GIGYF2: variants seen among roughly 807,000 people sequenced by gnomAD.
GIGYF2 encodes GRB10-interacting GYF protein 2.
In GIGYF2, 25 loss-of-function variants were observed where a neutral mutation model predicts 208.1. The ratio of observed to expected loss-of-function variants is 0.12; its 90% CI spans 0.09 to 0.17. GIGYF2 has a LOEUF of 0.17. Among genes scored for constraint, GIGYF2 ranks in the 10% least tolerant of loss-of-function variants. The pLI, the probability that GIGYF2 is intolerant of heterozygous loss-of-function variation, is 1.00. For missense variants in GIGYF2, 1,302 were observed against 1,579.4 expected (o/e 0.82, Z 2.98); for synonymous variants, 534 against 543.8 (o/e 0.98, Z 0.25).
At chr2:232,720,585 T>TATTTTTGTTTG (rs772814342) in intron 2 of GIGYF2, among the ~76,000 whole-genome samples, 1 of 126,310 alleles carries the variant, frequency 7.9e-6, no homozygotes, top group Non-Finnish European at 1.7e-5. Context: ...ATATATATAT[T>TATTTTTGTTTG]TTTGTTTGTT....
intron 7 of GIGYF2, 54 bp from the exon 8 acceptor site, chr2:232,761,342 A>C: frequency 8.7e-7 from 1 of 1,152,000 alleles, no homozygotes. Context: ...TGTCACAGAT[A>C]GGAAATCTAT....
At position 232,708,421 on chromosome 2, in the gene GIGYF2, A is replaced by G. The variant is rs192467458; in HGVS notation, c.-44+4932A>G. Among the ~76,000 whole-genome samples the G allele has an allele frequency of 5.3e-5, 8 of 152,266 alleles. 1 individual carries two copies. Among genetic ancestry groups the G allele is most frequent in the African/African-American group, 1.7e-4 (7 of 41,578 alleles). ...TTGAGAAAGGGAAAGAAAAGTGACAATGTACAAAATGAATTCCTCTGAAAA... is the reference window on the plus strand; with the variant it reads ...TTGAGAAAGGGAAAGAAAAGTGACAGTGTACAAAATGAATTCCTCTGAAAA... On this transcript the variant is annotated intron_variant, in intron 2 of 28. Transcript: ENST00000373563.
chr2:232,771,983 T>G (rs977394100), intron 8 of GIGYF2, among the ~76,000 whole-genome samples: 9 of 152,176 alleles, frequency 5.9e-5, no homozygotes, highest in Non-Finnish European at 1.0e-4. Context: ...CAGAGTTTGA[T>G]TTATTGATTT....
chr2:232,792,472 C>T (rs1357714123), intron 12 of GIGYF2, among the ~76,000 whole-genome samples: 2 of 152,076 alleles, frequency 1.3e-5, no homozygotes, highest in African/African-American at 4.8e-5. Context: ...TGTGATGGCA[C>T]GTGCTTGTAA....
At chr2:232,810,477 G>A (rs1325493598) in intron 16 of GIGYF2, 1 of 153,162 alleles carries the variant, frequency 6.5e-6, no homozygotes, top group Non-Finnish European at 1.5e-5. Context: ...GTGGAATGAT[G>A]GCAAAGTCAG....
At chr2:232,796,867 A>T (rs1700237330) in intron 14 of GIGYF2, among the ~76,000 whole-genome samples, 1 of 152,180 alleles carries the variant, frequency 6.6e-6, no homozygotes, top group South Asian at 2.1e-4. Context: ...CTAAAAAAAA[A>T]ATTGAATACA....
Position 232,839,936 on chromosome 2 carries a change from C to T in GIGYF2, c.2854C>T (p.Leu952=), listed in dbSNP as rs764315549. Residue 952 remains leucine, a synonymous_variant, in exon 23 of 29, where the codon CTA becomes TTA. Transcript: ENST00000373563. The stretch of plus-strand genomic sequence containing the variant: ...GCTGTCGTTGGCTGAAATCCAAAAA[C>T]TAGAGGAAGAACGAGAACGGCAGCT... The part of the protein sequence containing the change: ...ATLSLAEIQK[L]EEERERQLRE... 4 of 1,613,864 alleles carry T rather than the reference C, an allele frequency of 2.5e-6. No individual in the cohort carries two copies. The highest frequency in any genetic ancestry group is 2.7e-5 in the African/African-American group (2 of 74,886).
chr2:232,857,561 T>G lies in GIGYF2; in HGVS notation c.*701T>G, dbSNP rs938339638. On this transcript the variant is annotated 3_prime_UTR_variant, in exon 29 of 29. Coordinates refer to ENST00000373563, the MANE Select transcript of GIGYF2 (RefSeq NM_001103146.3). ...GTTAGATAGTGACTTCTGAGCAAGCTGATCTCCCCTGGCATGCTCCAACCT... is the reference window on the plus strand; with the variant it reads ...GTTAGATAGTGACTTCTGAGCAAGCGGATCTCCCCTGGCATGCTCCAACCT... 3.3e-5 allele frequency: 5 copies of G among 153,402 alleles called. No individual in the cohort carries two copies. Among genetic ancestry groups the G allele is most frequent in the Admixed American group, 6.5e-5 (1 of 15,378 alleles). 9.5% of individuals were successfully genotyped at this position (153,402 alleles called of 1,614,324 possible).
intron 5 of GIGYF2, 133 bp downstream of exon 5, chr2:232,749,215 T>C: frequency 5.5e-6 from 4 of 729,950 alleles, no homozygotes; most frequent in Admixed American, 5.5e-5. Context: ...TTTCTTGGTA[T>C]GTTGATGCTT....
At chr2:232,852,266 C>T (rs1690371571) in intron 28 of GIGYF2, among the ~76,000 whole-genome samples, 1 of 152,070 alleles carries the variant, frequency 6.6e-6, no homozygotes, top group Non-Finnish European at 1.5e-5. Context: ...GTGCCTGAAG[C>T]CAGACGCGGT....
chr2:232,852,140 A>T (rs538529273), intron 28 of GIGYF2, among the ~76,000 whole-genome samples: 67 of 152,316 alleles, frequency 4.4e-4, no homozygotes, highest in Non-Finnish European at 8.1e-4. Flanking sequence ...AGTGAGAGGC[A>T]GGTGGTAACC....
At chr2:232,732,502 C>T (rs1283697268) in intron 2 of GIGYF2, among the ~76,000 whole-genome samples, 1 of 151,960 alleles carries the variant, frequency 6.6e-6, no homozygotes, top group Non-Finnish European at 1.5e-5. Flanking sequence ...AAAAATTGGC[C>T]CTTGTTCAGA....
At chr2:232,792,634 G>T (rs986151485) in intron 12 of GIGYF2, among the ~76,000 whole-genome samples, 4 of 152,142 alleles carry the variant, frequency 2.6e-5, no homozygotes, top group Admixed American at 2.6e-4. Flanking sequence ...GTTCAGGCTG[G>T]ATCCGAACTC....
chr2:232,849,945 T>C (rs535941615), intron 27 of GIGYF2, among the ~76,000 whole-genome samples: 1 of 152,302 alleles, frequency 6.6e-6, no homozygotes, highest in East Asian at 1.9e-4. Flanking sequence ...ATTTGCAGTA[T>C]TCATTTCCTA....
intron 21 of GIGYF2, among the ~76,000 whole-genome samples, chr2:232,826,530 A>G (rs1701250345): frequency 6.6e-6 from 1 of 152,200 alleles, no homozygotes; most frequent in Non-Finnish European, 1.5e-5. Context: ...AAGCCAAAAT[A>G]GACAAATGGT....
chr2:232,771,232 G>A, intron 8 of GIGYF2: 1 of 1,610,656 alleles, frequency 6.2e-7, no homozygotes, highest in Non-Finnish European at 8.5e-7. Context: ...GATTCCCCAA[G>A]CATCTCGAAG....
rs1455068311 is a variant in GIGYF2 at position 232,844,160 on chromosome 2, C to A, written c.3004C>A (p.Leu1002Ile). ...VSKPSGTTKS[L>I]LEIQQEEARQ... ...CAAACCTTCAGGTACCACGAAATCT[C>A]TTCTGGAGATCCAGCAGGAAGAGGC... Residue 1002 changes from leucine to isoleucine, a missense_variant, in exon 24 of 29, where the codon CTT becomes ATT. This residue lies in a region of GIGYF2 where 701 missense variants were observed against 793.0 expected (regional missense o/e 0.88). Transcript: ENST00000373563. 1.3e-6 allele frequency: 2 copies of A among 1,568,992 alleles called. No individual in the cohort carries two copies. The highest frequency in any genetic ancestry group is 1.4e-5 in the African/African-American group (1 of 73,572).
In GIGYF2 at chr2:232,845,834, G is replaced by T. The variant is rs138253996; in HGVS notation, c.3408G>T (p.Thr1136=). The change falls in exon 26 of 29, where the codon ACG becomes ACT. Residue 1136 remains threonine, a synonymous_variant. Transcript: ENST00000373563. ...QGVNKAQDGF[T]QWCEQMLHAL... ...TAAATAAAGCCCAAGATGGATTTACGCAGTGGTGTGAACAGATGCTTCATG... is the reference window on the plus strand; with the variant it reads ...TAAATAAAGCCCAAGATGGATTTACTCAGTGGTGTGAACAGATGCTTCATG... 1.2e-6 allele frequency: 2 copies of T among 1,613,446 alleles called. No individual in the cohort carries two copies. Among genetic ancestry groups the T allele is most frequent in the Admixed American group, 1.7e-5 (1 of 60,022 alleles).
At chr2:232,747,157 ATTCT>A (rs1698179030) in intron 3 of GIGYF2, among the ~76,000 whole-genome samples, 1 of 152,224 alleles carries the variant, frequency 6.6e-6, no homozygotes, top group Admixed American at 6.5e-5. Flanking sequence ...TTATCAAATC[ATTCT>A]TTGAAGTGAT....
Sources: allele counts gnomAD v4.1 joint callset (sites outside exome capture counted in the v4.1 genomes callset), GRCh38; gene constraint gnomAD v4.1.1; regional missense constraint gnomAD v4.1.1; transcripts MANE v1.5; gene names NCBI Gene and HGNC (gene_info 2026-07-23, HGNC 2026-07-21).